ARHGAP44: variants seen among roughly 807,000 people sequenced by gnomAD.
The protein encoded by ARHGAP44 is rho GTPase-activating protein 44.
A neutral mutation model predicts 106.8 loss-of-function variants in ARHGAP44; 43 were observed. The ratio of observed to expected loss-of-function variants is 0.40; its 90% CI spans 0.32 to 0.52. ARHGAP44 has a LOEUF of 0.52. Ranked by LOEUF, ARHGAP44 falls within the 20% of genes least tolerant of loss-of-function variation. The pLI, the probability that ARHGAP44 is intolerant of heterozygous loss-of-function variation, is 0.48. For missense variants in ARHGAP44, 866 were observed against 1,050.5 expected, an observed-to-expected ratio of 0.82 and a Z score of 2.43; for synonymous variants, 439 against 410.3, an observed-to-expected ratio of 1.07 and a Z score of -0.85.
At chr17:12,954,711 C>T (rs138531849) in intron 13 of ARHGAP44, among the ~76,000 whole-genome samples, 18 of 152,194 alleles carry the variant, frequency 1.2e-4, no homozygotes, top group African/African-American at 3.4e-4. Flanking sequence ...CATGTCTTCT[C>T]GGGGTCCTGG....
intron 1 of ARHGAP44, among the ~76,000 whole-genome samples, chr17:12,825,197 C>A (rs12602931): frequency 0.19 from 28,519 of 151,724 alleles, 3,494 homozygotes; most frequent in African/African-American, 0.34. Context: ...CTACCATGCC[C>A]AGCTAAATTT....
chr17:12,974,333 C>T (rs1010603871), intron 18 of ARHGAP44, 23 bp downstream of exon 18: 19 of 1,385,360 alleles, frequency 1.4e-5, no homozygotes, highest in Admixed American at 1.1e-4. Context: ...CACTGCCGTC[C>T]GGGCGGGCTG....
chr17:12,942,480 G>A (rs923668660), intron 8 of ARHGAP44, among the ~76,000 whole-genome samples: 8 of 152,034 alleles, frequency 5.3e-5, no homozygotes, highest in African/African-American at 1.9e-4. Context: ...ATTTTTTCAG[G>A]TGTATTCCAT....
intron 6 of ARHGAP44, among the ~76,000 whole-genome samples, chr17:12,923,830 A>G (rs534374908): frequency 1.8e-4 from 28 of 152,190 alleles, no homozygotes; most frequent in African/African-American, 6.8e-4. Context: ...CTTAGCCCGT[A>G]TGAGGTCTGC....
intron 7 of ARHGAP44, among the ~76,000 whole-genome samples, chr17:12,939,717 C>T (rs972984984): frequency 2.3e-4 from 35 of 152,214 alleles, no homozygotes; most frequent in African/African-American, 8.0e-4. Context: ...CCACCTGCCT[C>T]GGCCTCCCAA....
At chr17:12,798,775 T>C (rs2034001070) in intron 1 of ARHGAP44, among the ~76,000 whole-genome samples, 2 of 152,218 alleles carry the variant, frequency 1.3e-5, no homozygotes, top group Non-Finnish European at 2.9e-5. Context: ...TTTGTTCCTA[T>C]AGAATGGTAA....
At chr17:12,867,519 A>G (rs2036268280) in intron 1 of ARHGAP44, among the ~76,000 whole-genome samples, 1 of 152,064 alleles carries the variant, frequency 6.6e-6, no homozygotes, top group African/African-American at 2.4e-5. Flanking sequence ...GCACCAGGAT[A>G]TTTTGTCATT....
chr17:12,907,388 G>C (rs958526468), intron 3 of ARHGAP44, among the ~76,000 whole-genome samples: 1 of 152,124 alleles, frequency 6.6e-6, no homozygotes, highest in Non-Finnish European at 1.5e-5. Flanking sequence ...GGTTTTAACA[G>C]TTAGTCTATT....
intron 1 of ARHGAP44, among the ~76,000 whole-genome samples, chr17:12,810,166 A>G (rs1410541681): frequency 6.6e-6 from 1 of 152,186 alleles, no homozygotes; most frequent in African/African-American, 2.4e-5. Flanking sequence ...CATAAGGGAA[A>G]TCCTTGTTTG....
intron 1 of ARHGAP44, among the ~76,000 whole-genome samples, chr17:12,791,606 A>G (rs138844250): frequency 1.7e-3 from 252 of 151,946 alleles, no homozygotes; most frequent in African/African-American, 6.0e-3. Context: ...TTTTTTCAGG[A>G]CCTGTTTTTA....
intron 1 of ARHGAP44, among the ~76,000 whole-genome samples, chr17:12,815,702 A>C (rs993678239): frequency 2.6e-5 from 4 of 152,204 alleles, no homozygotes; most frequent in African/African-American, 4.8e-5. Context: ...TGGTATGTAC[A>C]TAGGTCAGAT....
At chr17:12,888,478 T>G (rs771280092) in intron 1 of ARHGAP44, among the ~76,000 whole-genome samples, 2 of 152,194 alleles carry the variant, frequency 1.3e-5, no homozygotes, top group Non-Finnish European at 2.9e-5. Flanking sequence ...TCTTTCAAAT[T>G]AGTTGAGGTT....
At chr17:12,859,639 A>G (rs960074335) in intron 1 of ARHGAP44, among the ~76,000 whole-genome samples, 1 of 152,216 alleles carries the variant, frequency 6.6e-6, no homozygotes, top group East Asian at 1.9e-4. Context: ...CATATCTGCC[A>G]TCTTTTGCTG....
rs1293744561 is a variant in ARHGAP44 at position 12,868,782 on chromosome 17, C to T, written c.54-26158C>T. Among the ~76,000 whole-genome samples, 4 of 151,136 alleles carry T rather than the reference C, an allele frequency of 2.6e-5. No homozygotes were observed. In the East Asian group the frequency reaches 7.8e-4, roughly 29 times the overall value. On this transcript the variant is annotated intron_variant, in intron 1 of 20. Coordinates refer to ENST00000379672, the MANE Select transcript of ARHGAP44 (RefSeq NM_014859.6). The stretch of plus-strand genomic sequence containing the variant: ...AAGCAGTTCTCCTGCCTCAGCCTCC[C>T]AAGTAGCTAGGATTACAGGCATGTG...
intron 1 of ARHGAP44, among the ~76,000 whole-genome samples, chr17:12,830,527 A>G (rs758129941): frequency 1.3e-5 from 2 of 152,090 alleles, no homozygotes; most frequent in South Asian, 2.1e-4. Context: ...AGTCGCTCTT[A>G]TGCTCTCCTT....
At chr17:12,842,547 C>T (rs1177454697) in intron 1 of ARHGAP44, among the ~76,000 whole-genome samples, 1 of 152,002 alleles carries the variant, frequency 6.6e-6, no homozygotes, top group Non-Finnish European at 1.5e-5. Flanking sequence ...TGCATCAGAA[C>T]CACCTGGAGG....
chr17:12,804,696 A>G (rs1026589398), intron 1 of ARHGAP44, among the ~76,000 whole-genome samples: 2 of 152,176 alleles, frequency 1.3e-5, no homozygotes, highest in Non-Finnish European at 2.9e-5. Flanking sequence ...TGATTAAGCT[A>G]TTGCCTCTCC....
chr17:12,934,138 T>G (rs2038479311), intron 7 of ARHGAP44, among the ~76,000 whole-genome samples: 1 of 152,150 alleles, frequency 6.6e-6, no homozygotes, highest in South Asian at 2.1e-4. Flanking sequence ...TGAGCCACCG[T>G]GCCTGGTCAT....
chr17:12,818,174 A>G (rs1223092046), intron 1 of ARHGAP44, among the ~76,000 whole-genome samples: 2 of 151,988 alleles, frequency 1.3e-5, no homozygotes, highest in East Asian at 3.8e-4. Context: ...CCAGTAATGT[A>G]TGGTTGGGCC....
Sources: gnomAD v4.1 joint callset for allele counts (sites outside exome capture counted in the v4.1 genomes callset) on GRCh38, gnomAD v4.1.1 for gene constraint, MANE v1.5 for transcripts, NCBI Gene and HGNC (gene_info 2026-07-23, HGNC 2026-07-21) for gene names.